Variants in UBA2 observed in about 807,000 individuals in gnomAD.
UBA2 encodes SUMO-activating enzyme subunit 2.
A neutral mutation model predicts 77.2 loss-of-function variants in UBA2; 11 were observed. That is an observed-to-expected ratio of 0.14 (90% confidence interval 0.09 to 0.24). The LOEUF (loss-of-function observed/expected upper bound fraction) is 0.24. Among genes scored for constraint, UBA2 ranks in the 10% least tolerant of loss-of-function variants. The probability of loss-of-function intolerance (pLI) is 1.00; values close to 1 mark genes in which losing one functional copy is unlikely to be tolerated. For missense variants in UBA2, 487 were observed against 781.7 expected (o/e 0.62, Z 4.50); for synonymous variants, 278 against 276.7 (o/e 1.00, Z -0.05).
intron 8 of UBA2, among the ~76,000 whole-genome samples, chr19:34,446,636 A>G (rs2075434849): frequency 6.8e-6 from 1 of 147,710 alleles, no homozygotes; most frequent in African/African-American, 2.6e-5. Flanking sequence ...TTGAGAGAGA[A>G]TCCTGCTCTG....
chr19:34,465,374 C>T (rs1165965458), intron 15 of UBA2, among the ~76,000 whole-genome samples: 1 of 151,872 alleles, frequency 6.6e-6, no homozygotes, highest in African/African-American at 2.4e-5. Context: ...TGCGATGGCT[C>T]ATGTCTGTGA....
chr19:34,432,138 T>C (rs2075263022), intron 3 of UBA2: 2 of 364,968 alleles, frequency 5.5e-6, no homozygotes, highest in Admixed American at 4.5e-5. Context: ...TTTAATACTT[T>C]TAATAAATAA....
chr19:34,461,372 T>G lies in UBA2; in HGVS notation c.1498+806T>G, dbSNP rs1009805471. Among the ~76,000 whole-genome samples, 6 of 152,354 alleles carry G rather than the reference T, an allele frequency of 3.9e-5. No individual in the cohort carries two copies. The South Asian group carries it at 6.2e-4, about 16-fold the overall frequency. ...TTCAGGTTTAGTGTCAAGGTTCTTCTTGGTTGTAGTTGCTTGTTGAGAAAT... is the reference window on the plus strand; with the variant it reads ...TTCAGGTTTAGTGTCAAGGTTCTTCGTGGTTGTAGTTGCTTGTTGAGAAAT... On this transcript the variant is annotated intron_variant, in intron 14 of 16. Coordinates refer to ENST00000246548, the MANE Select transcript of UBA2 (RefSeq NM_005499.3).
At chr19:34,435,630 G>A (rs1038881424) in intron 5 of UBA2, among the ~76,000 whole-genome samples, 6 of 151,996 alleles carry the variant, frequency 3.9e-5, no homozygotes, top group African/African-American at 1.5e-4. Context: ...AGGAGTTCGA[G>A]ACCAGCCTCT....
At chr19:34,445,789 C>G (rs1378190218) in intron 8 of UBA2, among the ~76,000 whole-genome samples, 1 of 152,140 alleles carries the variant, frequency 6.6e-6, no homozygotes, top group Non-Finnish European at 1.5e-5. Flanking sequence ...GTTTGACTGA[C>G]ATGTGTCCTA....
intron 8 of UBA2, among the ~76,000 whole-genome samples, chr19:34,446,564 A>C (rs1232939723): frequency 7.0e-6 from 1 of 143,776 alleles, no homozygotes; most frequent in East Asian, 2.0e-4. Flanking sequence ...ATTTCGTCTT[A>C]TTTCCTCAGT....
At chr19:34,452,816 G>A (rs1426855370) in intron 10 of UBA2, among the ~76,000 whole-genome samples, 3 of 152,188 alleles carry the variant, frequency 2.0e-5, no homozygotes, top group Non-Finnish European at 4.4e-5. Flanking sequence ...AGAAAAATTT[G>A]TGTGTACATA....
chr19:34,433,343 T>C lies in UBA2; in HGVS notation c.294-5T>C. The stretch of plus-strand genomic sequence containing the variant: ...TTGGTGACCTTTTTTTATTTTGTTT[T>C]GTAGCCCTGACTATAATGTGGAATT... On this transcript the variant is annotated splice_polypyrimidine_tract_variant and splice_region_variant and intron_variant, in intron 3 of 16. Transcript: ENST00000246548. 6 of 1,609,472 alleles carry C rather than the reference T, an allele frequency of 3.7e-6. No homozygotes were observed. The highest frequency in any genetic ancestry group is 5.1e-6 in the Non-Finnish European group (6 of 1,176,788).
Position 34,458,751 on chromosome 19 carries a change from G to T in UBA2, c.1246-18G>T, listed in dbSNP as rs1239144761. 4 of 1,604,172 alleles carry T rather than the reference G, an allele frequency of 2.5e-6. No individual in the cohort carries two copies. Among genetic ancestry groups the T allele is most frequent in the Non-Finnish European group, 3.4e-6 (4 of 1,175,566 alleles). ...TACAGCACGTTTCCGATTTCTGCCT[G>T]TTATTTCTCCTCCAAAGATTTTTTT... On this transcript the variant is annotated intron_variant, in intron 12 of 16. Transcript: ENST00000246548.
intron 6 of UBA2, among the ~76,000 whole-genome samples, chr19:34,439,633 C>T (rs1418567689): frequency 6.6e-6 from 1 of 151,976 alleles, no homozygotes; most frequent in African/African-American, 2.4e-5. Flanking sequence ...AGTTTGAGAC[C>T]AGCCTGGGAA....
chr19:34,448,669 A>G (rs2075458397), intron 8 of UBA2, among the ~76,000 whole-genome samples: 1 of 152,162 alleles, frequency 6.6e-6, no homozygotes, highest in Admixed American at 6.5e-5. Context: ...GGTGATAATA[A>G]TCAATTTTGA....
intron 6 of UBA2, among the ~76,000 whole-genome samples, chr19:34,440,279 G>C (rs2075354492): frequency 1.3e-5 from 2 of 149,780 alleles, no homozygotes; most frequent in Non-Finnish European, 3.0e-5. Context: ...CTGCACTCCA[G>C]CCTGGGGGAC....
intron 12 of UBA2, 59 bp downstream of exon 12, chr19:34,454,615 G>A: frequency 4.6e-6 from 4 of 876,740 alleles, no homozygotes; most frequent in Non-Finnish European, 6.9e-6. Flanking sequence ...TTAATTAAAA[G>A]TACATTAAAC....
intron 7 of UBA2, among the ~76,000 whole-genome samples, chr19:34,444,292 A>T (rs1046974483): frequency 6.6e-6 from 1 of 151,886 alleles, no homozygotes; most frequent in Non-Finnish European, 1.5e-5. Flanking sequence ...TCTTGACCTG[A>T]GGTGATCCAC....
At chr19:34,454,896 C>T (rs992641598) in intron 12 of UBA2, among the ~76,000 whole-genome samples, 1 of 151,928 alleles carries the variant, frequency 6.6e-6, no homozygotes. Flanking sequence ...TTTTATAGTC[C>T]CCTGTTCAGT....
chr19:34,454,274 A>C lies in UBA2; in HGVS notation c.1053A>C (p.Ala351=), dbSNP rs1472158873. ...ELIWDKDDPS[A]MDFVTSAANL... ...ATTATTGGCAGGATGACCCATCTGC[A>C]ATGGATTTTGTCACCTCTGCTGCAA... is the stretch of plus-strand genomic sequence containing the variant. The change falls in exon 11 of 17, where the codon GCA becomes GCC. Residue 351 remains alanine, a synonymous_variant. Transcript: ENST00000246548. 5.6e-6 allele frequency: 9 copies of C among 1,610,800 alleles called. No individual in the cohort carries two copies. The highest frequency in any genetic ancestry group is 7.6e-6 in the Non-Finnish European group (9 of 1,179,474).
chr19:34,442,451 T>C (rs1291690115), intron 6 of UBA2, among the ~76,000 whole-genome samples: 1 of 152,160 alleles, frequency 6.6e-6, no homozygotes, highest in African/African-American at 2.4e-5. Context: ...CTTTTTTTGT[T>C]GTTGTTTTTT....
At position 34,450,262 on chromosome 19, in the gene UBA2, A is replaced by C. The variant is rs202061411; in HGVS notation, c.772-3A>C. On this transcript the variant is annotated splice_region_variant and splice_polypyrimidine_tract_variant and intron_variant, in intron 8 of 16. Transcript: ENST00000246548. ...TTCATGGGATCTGTCTTTCTTTTGT[A>C]AGCTTTTTAAAGATGACATCAGGTA... The C allele has an allele frequency of 1.0e-4, 162 of 1,603,110 alleles. 1 individual carries two copies. The East Asian group carries it at 3.5e-3, about 34-fold the overall frequency.
At chr19:34,468,904 T>C (rs2075713255) in intron 16 of UBA2, 136 bp from the exon 17 acceptor site, 3 of 622,264 alleles carry the variant, frequency 4.8e-6, no homozygotes, top group Non-Finnish European at 7.7e-6. Context: ...ATACGTAATG[T>C]GTAAAGTGAA....
Sources: gnomAD v4.1 joint callset for allele counts (sites outside exome capture counted in the v4.1 genomes callset) on GRCh38, gnomAD v4.1.1 for gene constraint, MANE v1.5 for transcripts, NCBI Gene and HGNC (gene_info 2026-07-23, HGNC 2026-07-21) for gene names.